The following RBFOX1 variants were observed in gnomAD, a reference collection of about 807,000 sequenced individuals.
RBFOX1 encodes RNA binding protein fox-1 homolog 1.
In RBFOX1, 8 loss-of-function variants were observed where a neutral mutation model predicts 57.7. That is an observed-to-expected ratio of 0.14 (90% CI 0.08 to 0.25). The LOEUF is 0.25. RBFOX1 is among the 10% of genes least tolerant of loss of function. RBFOX1 has a pLI of 1.00. For synonymous variants in RBFOX1, 326 were observed against 222.4 expected (o/e 1.47, Z -4.15); for missense variants, 611 against 548.5 (o/e 1.11, Z -1.14).
chr16:6,290,592 G>C (rs1408310157), intron 1 of RBFOX1, among the ~76,000 whole-genome samples: 8 of 148,860 alleles, frequency 5.4e-5, no homozygotes, highest in Non-Finnish European at 9.0e-5. Flanking sequence ...AAGGGACATG[G>C]ACAACATAGC....
rs141297676 is a variant in RBFOX1 at position 6,420,055 on chromosome 16, C to G, written c.-64+102998C>G. Reference sequence around the variant, plus strand: ...TGTTTCAGGTTGTTTGTGACAATCACTTAATTTCCTTGTTTTGCAGCTAAC... The same window carrying G: ...TGTTTCAGGTTGTTTGTGACAATCAGTTAATTTCCTTGTTTTGCAGCTAAC... On this transcript the variant is annotated intron_variant, in intron 2 of 15. Coordinates refer to ENST00000550418, the MANE Select transcript of RBFOX1 (RefSeq NM_018723.4). Among the ~76,000 whole-genome samples the G allele has an allele frequency of 1.5e-3, 231 of 152,264 alleles. 1 individual carries two copies. The highest frequency in any genetic ancestry group is 5.2e-3 in the South Asian group (25 of 4,822).
At chr16:6,358,205 C>T (rs1360049942) in intron 2 of RBFOX1, among the ~76,000 whole-genome samples, 1 of 152,142 alleles carries the variant, frequency 6.6e-6, no homozygotes, top group Non-Finnish European at 1.5e-5. Flanking sequence ...ACACCTCCTT[C>T]ATGAGACTGT....
At chr16:5,442,567 C>G (rs367714259) in intron 1 of RBFOX1, among the ~76,000 whole-genome samples, 4 of 152,132 alleles carry the variant, frequency 2.6e-5, no homozygotes, top group Admixed American at 1.3e-4. Flanking sequence ...ACCAAATCCC[C>G]GAGGGAAGGG....
intron 2 of RBFOX1, among the ~76,000 whole-genome samples, chr16:6,476,526 G>A (rs767656203): frequency 3.8e-4 from 58 of 152,118 alleles, no homozygotes; most frequent in Non-Finnish European, 7.3e-4. Context: ...AAAAAACGAC[G>A]TGCATACCTT....
At position 7,241,222 on chromosome 16, in the gene RBFOX1, C is replaced by G. The variant is rs771664409; in HGVS notation, c.27+189124C>G. Among the ~76,000 whole-genome samples the G allele has an allele frequency of 2.7e-4, 41 of 152,246 alleles. 1 individual carries two copies. The highest frequency in any genetic ancestry group is 6.0e-4 in the Non-Finnish European group (41 of 68,026). ...ATTGCCCCACCTCTACCATAAATCA[C>G]ACGGAGTTTTTATTCTCATTAGCTG... On this transcript the variant is annotated intron_variant, in intron 4 of 15. Transcript: ENST00000550418.
chr16:5,927,545 C>T (rs2058963104), intron 4 of RBFOX1, among the ~76,000 whole-genome samples: 1 of 152,078 alleles, frequency 6.6e-6, no homozygotes, highest in Non-Finnish European at 1.5e-5. Flanking sequence ...TGGAGGTTCC[C>T]CCCAAAAGTA....
At chr16:5,381,837 A>C (rs946202964) in intron 1 of RBFOX1, among the ~76,000 whole-genome samples, 4 of 152,368 alleles carry the variant, frequency 2.6e-5, no homozygotes, top group Non-Finnish European at 4.4e-5. Flanking sequence ...AGCTCCCTCA[A>C]GGTCTTGCAA....
chr16:6,069,846 G>C (rs1414535190), intron 1 of RBFOX1, among the ~76,000 whole-genome samples: 2 of 152,030 alleles, frequency 1.3e-5, no homozygotes, highest in Non-Finnish European at 2.9e-5. Flanking sequence ...AATTAGGCGA[G>C]TGTAGTGGTG....
rs778429828 is a variant in RBFOX1, at chr16:5,946,303, A to G, written c.351+78968A>G. Among the ~76,000 whole-genome samples, 11 of 152,166 alleles carry G rather than the reference A, an allele frequency of 7.2e-5. No homozygotes were observed. Among genetic ancestry groups the G allele is most frequent in the Non-Finnish European group, 1.5e-4 (10 of 68,030 alleles). ...ATCATAGGACCTCCCTCATAGGGTT[A>G]TTTGAGGCTCAGACTAAATGGATGT... On this transcript the variant is annotated intron_variant, in intron 4 of 19. Transcript: ENST00000641259. The surrounding 1 kb of genome is among the most constrained non-coding windows in gnomAD (Gnocchi z 4.6).
intron 3 of RBFOX1, among the ~76,000 whole-genome samples, chr16:6,764,607 G>A (rs553307447): frequency 1.3e-5 from 2 of 152,126 alleles, no homozygotes; most frequent in African/African-American, 4.8e-5. Context: ...GGAGAAAAAA[G>A]AGTAAACAAA....
chr16:6,494,122 C>G (rs1165127035), intron 2 of RBFOX1, among the ~76,000 whole-genome samples: 1 of 152,156 alleles, frequency 6.6e-6, no homozygotes, highest in Non-Finnish European at 1.5e-5. Flanking sequence ...AGATAGATCT[C>G]TTGTACACTA....
intron 2 of RBFOX1, among the ~76,000 whole-genome samples, chr16:6,554,980 C>A: frequency 6.6e-6 from 1 of 152,134 alleles, no homozygotes; most frequent in African/African-American, 2.4e-5. Flanking sequence ...AGGTTCTTTT[C>A]CCAAAGGAAC....
chr16:5,798,954 G>A (rs137866913), intron 3 of RBFOX1, among the ~76,000 whole-genome samples: 84 of 152,058 alleles, frequency 5.5e-4, no homozygotes, highest in African/African-American at 2.0e-3. Flanking sequence ...CAAGATCTCG[G>A]GTGAGCCACT....
At chr16:6,014,949 A>G (rs1483410629), upstream of RBFOX1, among the ~76,000 whole-genome samples, 1 of 151,088 alleles carries the variant, frequency 6.6e-6, no homozygotes, top group Non-Finnish European at 1.5e-5. Context: ...TCAAGCTCCC[A>G]GGCTTAAGCA....
intron 1 of RBFOX1, among the ~76,000 whole-genome samples, chr16:6,277,690 C>A (rs962700938): frequency 5.4e-5 from 8 of 149,348 alleles, no homozygotes; most frequent in East Asian, 3.9e-4. Flanking sequence ...AAAAAAATGT[C>A]CATTTTCCAA....
At chr16:7,636,102 G>A (rs78104906) in intron 11 of RBFOX1, among the ~76,000 whole-genome samples, 10,475 of 152,282 alleles carry the variant, frequency 0.069, 419 homozygotes, top group African/African-American at 0.094. Flanking sequence ...GAGCCACTGC[G>A]CCCAGCCCAA....
intron 1 of RBFOX1, among the ~76,000 whole-genome samples, chr16:6,213,433 A>G (rs2097311271): frequency 6.6e-6 from 1 of 152,108 alleles, no homozygotes; most frequent in African/African-American, 2.4e-5. Context: ...AACCGGCAAT[A>G]TGGAAAACCT....
At chr16:7,186,559 CTTAAACATATTTAT>C (rs2083876839) in intron 4 of RBFOX1, among the ~76,000 whole-genome samples, 8 of 54,488 alleles carry the variant, frequency 1.5e-4, no homozygotes, top group Admixed American at 1.1e-3. Context: ...TAAATATAAG[CTTAAACATATTTAT>C]ATAAATATAA....
chr16:5,432,615 TA>T (rs373978124), intron 1 of RBFOX1, among the ~76,000 whole-genome samples: 7,245 of 136,138 alleles, frequency 0.053, 307 homozygotes, highest in African/African-American at 0.11. Flanking sequence ...AATAAATGGG[TA>T]AAAAAAAAAA....
Sources: allele counts gnomAD v4.1 joint callset (sites outside exome capture counted in the v4.1 genomes callset), GRCh38; gene constraint gnomAD v4.1.1; non-coding constraint Gnocchi (gnomAD v3.1); transcripts MANE v1.5; gene names NCBI Gene and HGNC (gene_info 2026-07-23, HGNC 2026-07-21).